The following CUBN variants were observed in gnomAD, a reference collection of about 807,000 sequenced individuals.
CUBN encodes 460 kDa receptor.
In CUBN, 282 loss-of-function variants were observed where a neutral mutation model predicts 405.3. That is an observed-to-expected ratio of 0.70 (90% CI 0.63 to 0.77). The LOEUF (loss-of-function observed/expected upper bound fraction) is 0.77, where lower values mean the gene tolerates loss of function less well. Among genes scored for constraint, CUBN ranks in the 30% least tolerant of loss-of-function variants. The pLI, the probability that CUBN is intolerant of heterozygous loss-of-function variation, is 0.00. For missense variants in CUBN, 4,514 were observed against 4,475.2 expected (o/e 1.01, Z -0.25); for synonymous variants, 1,684 against 1,617.0 (o/e 1.04, Z -0.99).
intron 8 of CUBN, 147 bp downstream of exon 8, chr10:17,113,880 G>A (rs1015361337): frequency 3.7e-6 from 3 of 804,722 alleles, no homozygotes; most frequent in East Asian, 5.4e-5. Context: ...TGATAGCAGT[G>A]AGATCGTCGA....
At chr10:17,127,774 T>G in intron 3 of CUBN, 55 bp downstream of exon 3, 1 of 1,321,652 alleles carries the variant, frequency 7.6e-7, no homozygotes, top group South Asian at 1.2e-5. Context: ...CGGTTACTTA[T>G]ACAATAGAAC....
intron 28 of CUBN, 111 bp downstream of exon 28, chr10:17,019,722 C>A: frequency 7.8e-7 from 1 of 1,279,768 alleles, no homozygotes; most frequent in Non-Finnish European, 1.1e-6. Flanking sequence ...AGATTACTAC[C>A]TGGGTTCCAT....
intron 22 of CUBN, among the ~76,000 whole-genome samples, chr10:17,065,028 G>C (rs1463226699): frequency 6.6e-6 from 1 of 151,382 alleles, no homozygotes; most frequent in African/African-American, 2.4e-5. Context: ...CATTCTGATA[G>C]AATTTTAAAA....
rs544945659 is a variant in CUBN at position 16,999,004 on chromosome 10, G to T, written c.4169-8489C>A. On this transcript the variant is annotated intron_variant, in intron 28 of 66. Transcript: ENST00000377833. ...ATTCGACTAATTTCTATACAGCAGT[G>T]GATATAAAGTAGAGCATCGGGTTTC... Among the ~76,000 whole-genome samples, 6 of 152,190 alleles carry T rather than the reference G, an allele frequency of 3.9e-5. No individual in the cohort carries two copies. The South Asian group carries it at 1.2e-3, about 32-fold the overall frequency.
intron 41 of CUBN, among the ~76,000 whole-genome samples, chr10:16,927,341 G>A (rs1260241457): frequency 6.6e-6 from 1 of 152,128 alleles, no homozygotes; most frequent in Non-Finnish European, 1.5e-5. Context: ...TAGTTAAATT[G>A]TAGAGGTGAA....
chr10:16,891,709 T>TG (rs1284102784), intron 54 of CUBN, among the ~76,000 whole-genome samples: 7 of 114,044 alleles, frequency 6.1e-5, no homozygotes, highest in Non-Finnish European at 1.1e-4. Context: ...ATACAAAACT[T>TG]GGGGGAAAAA....
chr10:16,918,871 A>C (rs1005419683), intron 44 of CUBN, 71 bp from the exon 45 acceptor site: 1 of 1,340,934 alleles, frequency 7.5e-7, no homozygotes, highest in African/African-American at 1.5e-5. Flanking sequence ...AACCTTACTT[A>C]CTTTCTTTGA....
In CUBN at chr10:16,950,059, C is replaced by T. The variant is rs528059511; in HGVS notation, c.5022G>A (p.Thr1674=). ...AAATTTCTACAAAGTCACGTGCACACGTTGTGCTTCTTTCAAGTTCAAAGT... is the reference window on the plus strand; with the variant it reads ...AAATTTCTACAAAGTCACGTGCACATGTTGTGCTTCTTTCAAGTTCAAAGT... ...FTHFELERST[T]CARDFVEILD... is the part of the protein sequence containing the mutation. The change falls in exon 34 of 67, where the codon ACG becomes ACA. Residue 1674 remains threonine, a synonymous_variant. Coordinates refer to ENST00000377833, the MANE Select transcript of CUBN (RefSeq NM_001081.4). 4.2e-5 allele frequency: 68 copies of T among 1,613,976 alleles called. 2 individuals are homozygous for T. The South Asian group carries it at 6.3e-4, about 15-fold the overall frequency.
intron 28 of CUBN, among the ~76,000 whole-genome samples, chr10:17,007,219 G>C (rs955492922): frequency 6.8e-6 from 1 of 146,068 alleles, no homozygotes; most frequent in African/African-American, 2.5e-5. Context: ...GGCCTCCAAG[G>C]CTGAATTCAG....
chr10:16,828,706 G>T, intron 66 of CUBN, 99 bp downstream of exon 66: 1 of 943,234 alleles, frequency 1.1e-6, no homozygotes, highest in Non-Finnish European at 1.7e-6. Flanking sequence ...TGGGTGACAA[G>T]AGCGAGATTC....
At chr10:16,964,056 C>A (rs1339645588) in intron 31 of CUBN, among the ~76,000 whole-genome samples, 4 of 152,214 alleles carry the variant, frequency 2.6e-5, no homozygotes, top group Middle Eastern at 3.4e-3. Flanking sequence ...GAACTTGAAG[C>A]AAATGTGGCA....
At chr10:16,905,993 A>C (rs1446503768) in intron 50 of CUBN, among the ~76,000 whole-genome samples, 1 of 152,150 alleles carries the variant, frequency 6.6e-6, no homozygotes, top group Non-Finnish European at 1.5e-5. Flanking sequence ...GTACACCTGT[A>C]GTCCAAGCCA....
chr10:17,095,346 T>A (rs1023250603), intron 14 of CUBN, among the ~76,000 whole-genome samples: 1 of 151,986 alleles, frequency 6.6e-6, no homozygotes, highest in Non-Finnish European at 1.5e-5. Flanking sequence ...TGAGTAGTGA[T>A]TTTTTTGGAT....
At chr10:17,104,994 G>A (rs1836590358) in intron 11 of CUBN, among the ~76,000 whole-genome samples, 2 of 151,670 alleles carry the variant, frequency 1.3e-5, no homozygotes, top group South Asian at 4.2e-4. Context: ...AGTAGAGACA[G>A]TGTTTCACCA....
chr10:16,873,732 A>AG (rs1840423844), intron 58 of CUBN, among the ~76,000 whole-genome samples: 2 of 151,768 alleles, frequency 1.3e-5, no homozygotes, highest in Non-Finnish European at 1.5e-5. Flanking sequence ...AAAAAAAAAA[A>AG]AAAAAGAAAA....
chr10:17,070,569 G>GT (rs1219211974), intron 19 of CUBN, among the ~76,000 whole-genome samples: 2 of 151,974 alleles, frequency 1.3e-5, no homozygotes, highest in Admixed American at 1.3e-4. Context: ...CAGAGGACAA[G>GT]TTTTACACTT....
At chr10:16,996,743 T>C (rs1833745998) in intron 28 of CUBN, among the ~76,000 whole-genome samples, 1 of 152,226 alleles carries the variant, frequency 6.6e-6, no homozygotes, top group African/African-American at 2.4e-5. Context: ...AGTCAGCGCT[T>C]TGCTGGCTGG....
At chr10:16,947,157 G>A in intron 36 of CUBN, 78 bp downstream of exon 36, 1 of 1,440,714 alleles carries the variant, frequency 6.9e-7, no homozygotes. Context: ...ACTATGAGTT[G>A]CCCATCCTAT....
At chr10:17,025,164 T>C (rs1160134352) in intron 27 of CUBN, among the ~76,000 whole-genome samples, 1 of 152,202 alleles carries the variant, frequency 6.6e-6, no homozygotes, top group African/African-American at 2.4e-5. Context: ...ATTTTGGGTG[T>C]AGTAGAGAAT....
Sources: allele counts gnomAD v4.1 joint callset (sites outside exome capture counted in the v4.1 genomes callset), GRCh38; gene constraint gnomAD v4.1.1; transcripts MANE v1.5; gene names NCBI Gene and HGNC (gene_info 2026-07-23, HGNC 2026-07-21).